The following ZNF366 variants were observed in gnomAD, a reference collection of about 807,000 sequenced individuals.
ZNF366 encodes the protein dendritic cell-specific transcript protein.
In ZNF366, 20 loss-of-function variants were observed where a neutral mutation model predicts 47.2. The observed-to-expected ratio is 0.42, with a 90% confidence interval of 0.30 to 0.62. The LOEUF (loss-of-function observed/expected upper bound fraction) is 0.62. ZNF366 is among the 20% of genes least tolerant of loss of function. ZNF366 has a pLI of 0.16. For missense variants in ZNF366, 987 were observed against 976.3 expected (o/e 1.01, Z -0.15); for synonymous variants, 421 against 395.1 (o/e 1.07, Z -0.78).
chr5:72,460,556 C>T lies in ZNF366; in HGVS notation c.941G>A (p.Cys314Tyr). 1.2e-6 allele frequency: 2 copies of T among 1,614,092 alleles called. No homozygotes were observed. The highest frequency in any genetic ancestry group is 1.7e-6 in the Non-Finnish European group (2 of 1,180,030). Residue 314 changes from cysteine to tyrosine, a missense_variant, in exon 2 of 5, where the codon TGC becomes TAC. This residue lies in a region of ZNF366 where 591 missense variants were observed against 560.9 expected (regional missense o/e 1.05). Transcript: ENST00000318442. Reference protein sequence around the residue: ...QGTRPHKCQVCHKAFTQTSHL... With the variant: ...QGTRPHKCQVYHKAFTQTSHL... Reference sequence around the variant, plus strand: ...GCTGGTCTGGGTGAAGGCCTTGTGGCACACCTGGCACTTGTGGGGCCGCGT... The same window carrying T: ...GCTGGTCTGGGTGAAGGCCTTGTGGTACACCTGGCACTTGTGGGGCCGCGT...
intron 1 of ZNF366, among the ~76,000 whole-genome samples, chr5:72,473,042 TC>T (rs1165797398): frequency 1.3e-5 from 2 of 152,180 alleles, no homozygotes; most frequent in Non-Finnish European, 2.9e-5. Flanking sequence ...AGGGACCATT[TC>T]CTAAACCTTT....
In ZNF366 at chr5:72,441,107, GA is replaced by G. The variant is rs1383496239; in HGVS notation, c.*2648del. ...CCTCTGGCTTCTCAAAACACAATCTGAAAACCACCATTCTAGACCATACTCT... is the reference window on the plus strand; with the variant it reads ...CCTCTGGCTTCTCAAAACACAATCTGAAACCACCATTCTAGACCATACTCT... On this transcript the variant is annotated 3_prime_UTR_variant, in exon 5 of 5. Coordinates refer to ENST00000318442, the MANE Select transcript of ZNF366 (RefSeq NM_152625.3). 1 of 152,092 alleles carries G rather than the reference GA, an allele frequency of 6.6e-6. No individual in the cohort carries two copies. Among genetic ancestry groups the G allele is most frequent in the Non-Finnish European group, 1.5e-5 (1 of 68,030 alleles). 9.4% of individuals were successfully genotyped at this position (152,092 alleles called of 1,614,324 possible).
At position 72,439,965 on chromosome 5, in the gene ZNF366, A is replaced by G. The variant is rs570969568; in HGVS notation, c.*3791T>C. On this transcript the variant is annotated 3_prime_UTR_variant, in exon 5 of 5. Coordinates refer to ENST00000318442, the MANE Select transcript of ZNF366 (RefSeq NM_152625.3). ...TATAGGTTACATGCTCTTTTCAGGT[A>G]AACTGCTTTTTCAGTGAAGCAGAAA... 1 of 152,368 alleles carries G rather than the reference A, an allele frequency of 6.6e-6. No individual in the cohort carries two copies. The highest frequency in any genetic ancestry group is 1.9e-4 in the East Asian group (1 of 5,188). The allele number at this position is 152,368 out of a possible 1,614,324, so 9.4% of individuals were successfully genotyped here.
chr5:72,454,624 T>A (rs752209813), intron 3 of ZNF366, among the ~76,000 whole-genome samples: 1 of 152,222 alleles, frequency 6.6e-6, no homozygotes, highest in Non-Finnish European at 1.5e-5. Context: ...GCTCTCTTCA[T>A]ATTTTAGCAA....
rs557452281 is a variant in ZNF366, at chr5:72,444,055, C to T, written c.1936G>A (p.Glu646Lys). The part of the protein sequence containing the change: ...APQSQQLCTP[E>K]DLSTKSEHAP... The stretch of plus-strand genomic sequence containing the variant: ...TGCTCCGACTTGGTGGACAGATCCT[C>T]GGGTGTGCAGAGCTGCTGGCTCTGG... The change falls in exon 5 of 5, where the codon GAG (glutamate) becomes AAG (lysine). Residue 646 changes from glutamate (E) to lysine (K), a missense_variant. By Grantham distance (56) the Glu-to-Lys change is moderately conservative. Around this residue, in one of 3 missense-constraint regions of ZNF366, gnomAD observed 285 missense variants for 234.8 expected, o/e 1.21. Transcript: ENST00000318442. The T allele has an allele frequency of 1.9e-5, 30 of 1,614,170 alleles. No homozygotes were observed. The East Asian group carries it at 4.9e-4, about 26-fold the overall frequency.
At chr5:72,473,853 C>T (rs1743617775) in intron 1 of ZNF366, among the ~76,000 whole-genome samples, 1 of 152,180 alleles carries the variant, frequency 6.6e-6, no homozygotes, top group Admixed American at 6.6e-5. Flanking sequence ...GTCATTGCAC[C>T]TTGCACTGTA....
intron 1 of ZNF366, among the ~76,000 whole-genome samples, chr5:72,467,630 T>C (rs1743460606): frequency 6.6e-6 from 1 of 152,196 alleles, no homozygotes; most frequent in Admixed American, 6.5e-5. Flanking sequence ...GGGGCAAATC[T>C]CTTTATCTCT....
At chr5:72,457,083 G>A (rs1056787660) in intron 2 of ZNF366, among the ~76,000 whole-genome samples, 2 of 152,146 alleles carry the variant, frequency 1.3e-5, no homozygotes, top group Admixed American at 1.3e-4. Context: ...CCACACTGCA[G>A]TAAATTACAA....
chr5:72,500,691 A>G (rs1268624826), intron 1 of ZNF366, among the ~76,000 whole-genome samples: 2 of 152,224 alleles, frequency 1.3e-5, no homozygotes, highest in African/African-American at 2.4e-5. Flanking sequence ...TCCTTGGAAT[A>G]GAGTCCTACA....
chr5:72,454,745 T>G (rs1012228702), intron 3 of ZNF366, among the ~76,000 whole-genome samples: 9 of 152,200 alleles, frequency 5.9e-5, no homozygotes, highest in Non-Finnish European at 1.3e-4. Context: ...TGCTTGAACC[T>G]CCATTGTAGG....
At chr5:72,496,585 C>T (rs150860007) in intron 1 of ZNF366, among the ~76,000 whole-genome samples, 7 of 152,196 alleles carry the variant, frequency 4.6e-5, no homozygotes, top group African/African-American at 1.7e-4. Flanking sequence ...ATGAATAATG[C>T]TGCAGTGAAC....
intron 1 of ZNF366, among the ~76,000 whole-genome samples, chr5:72,486,469 A>G (rs1358491840): frequency 4.6e-5 from 7 of 152,222 alleles, no homozygotes; most frequent in Non-Finnish European, 7.3e-5. Context: ...GCTCCTCCCA[A>G]CATCCTGTGT....
At position 72,461,036 on chromosome 5, in the gene ZNF366, G is replaced by C. The variant is rs1029329759; in HGVS notation, c.461C>G (p.Pro154Arg). The C allele has an allele frequency of 1.2e-6, 2 of 1,614,142 alleles. No homozygotes were observed. Among genetic ancestry groups the C allele is most frequent in the Non-Finnish European group, 1.7e-6 (2 of 1,180,036 alleles). Residue 154 changes from proline to arginine, a missense_variant, in exon 2 of 5, where the codon CCC (proline) becomes CGC (arginine). Pro to Arg is a moderately radical substitution (Grantham distance 103, BLOSUM62 -2). Transcript: ENST00000318442. The part of the protein sequence containing the change: ...HFGGKPVKQE[P>R]IKPSAVWPQP... Reference sequence around the variant, plus strand: ...GGGCCACACGGCGCTGGGCTTAATGGGTTCCTGCTTGACGGGCTTGCCCCC... The same window carrying C: ...GGGCCACACGGCGCTGGGCTTAATGCGTTCCTGCTTGACGGGCTTGCCCCC...
intron 1 of ZNF366, among the ~76,000 whole-genome samples, chr5:72,493,920 T>A (rs1271897227): frequency 9.2e-5 from 1 of 10,928 alleles, no homozygotes; most frequent in Non-Finnish European, 2.3e-4. Context: ...ATGCCCAGCT[T>A]TTTTTTTTTT....
chr5:72,462,566 G>A (rs1349723052), intron 1 of ZNF366, among the ~76,000 whole-genome samples: 1 of 22,682 alleles, frequency 4.4e-5, no homozygotes, highest in South Asian at 1.5e-3. Flanking sequence ...TTTTTTTGGA[G>A]ATGGAGTCTG....
intron 1 of ZNF366, among the ~76,000 whole-genome samples, chr5:72,480,564 T>A (rs1743771709): frequency 6.6e-6 from 1 of 152,190 alleles, no homozygotes; most frequent in Non-Finnish European, 1.5e-5. Context: ...AAGGAGTACA[T>A]TAGATAACAA....
Position 72,461,086 on chromosome 5 carries a change from T to C in ZNF366, c.411A>G (p.Gln137=). 1.2e-6 allele frequency: 2 copies of C among 1,613,956 alleles called. No homozygotes were observed. Among genetic ancestry groups the C allele is most frequent in the Non-Finnish European group, 1.7e-6 (2 of 1,179,982 alleles). Residue 137 remains glutamine, a synonymous_variant, in exon 2 of 5, where the codon CAA becomes CAG. Transcript: ENST00000318442. ...CAAAGTGTTCCAGGCTGCGGTAGAA[T>C]TGGAAGCCCACGTTGCACAGGTCGA... ...QMIDLCNVGF[Q]FYRSLEHFGG...
chr5:72,499,836 C>A (rs1185019633), intron 1 of ZNF366, among the ~76,000 whole-genome samples: 3 of 152,150 alleles, frequency 2.0e-5, no homozygotes, highest in African/African-American at 7.2e-5. Flanking sequence ...GCCAGAGGGC[C>A]TCAGTCACGG....
chr5:72,476,986 T>A (rs1333955809), intron 1 of ZNF366, among the ~76,000 whole-genome samples: 1 of 152,140 alleles, frequency 6.6e-6, no homozygotes, highest in Admixed American at 6.5e-5. Context: ...CTGGTTGGAC[T>A]TCAGGATACA....
Sources: allele counts gnomAD v4.1 joint callset (sites outside exome capture counted in the v4.1 genomes callset), GRCh38; gene constraint gnomAD v4.1.1; regional missense constraint gnomAD v4.1.1; transcripts MANE v1.5; gene names NCBI Gene and HGNC (gene_info 2026-07-23, HGNC 2026-07-21).